NCEH1: variants seen among roughly 807,000 people sequenced by gnomAD.
The protein encoded by NCEH1 is 2-acetyl MAGE hydrolase.
A neutral mutation model predicts 25.4 loss-of-function variants in NCEH1; 9 were observed. That is an observed-to-expected ratio of 0.35 (90% CI 0.21 to 0.62). NCEH1 has a LOEUF of 0.62. Ranked by LOEUF, NCEH1 falls within the 20% of genes least tolerant of loss-of-function variation. The probability of loss-of-function intolerance (pLI) is 0.72; values close to 1 mark genes in which losing one functional copy is unlikely to be tolerated. For synonymous variants in NCEH1, 200 were observed against 199.8 expected, an observed-to-expected ratio of 1.00 and a Z score of -0.01; for missense variants, 412 against 501.1, an observed-to-expected ratio of 0.82 and a Z score of 1.70.
At chr3:172,662,698 G>A (rs914609731) in intron 1 of NCEH1, among the ~76,000 whole-genome samples, 3 of 152,202 alleles carry the variant, frequency 2.0e-5, no homozygotes, top group African/African-American at 7.2e-5. Context: ...TCTTGGGAGA[G>A]TGTATGTGTC....
At chr3:172,684,473 C>A (rs1241227993) in intron 1 of NCEH1, among the ~76,000 whole-genome samples, 1 of 137,884 alleles carries the variant, frequency 7.3e-6, no homozygotes, top group Non-Finnish European at 1.6e-5. Context: ...TATCCAGGCA[C>A]TGGATAATTA....
chr3:172,688,375 G>A (rs1712824038), intron 1 of NCEH1, among the ~76,000 whole-genome samples: 1 of 151,090 alleles, frequency 6.6e-6, no homozygotes, highest in African/African-American at 2.4e-5. Flanking sequence ...GGAGATTACG[G>A]AGACTCTAAA....
At chr3:172,640,625 A>G (rs1354073771) in intron 3 of NCEH1, among the ~76,000 whole-genome samples, 2 of 151,884 alleles carry the variant, frequency 1.3e-5, no homozygotes, top group Admixed American at 1.3e-4. Context: ...CTCCTGCCTC[A>G]GCCTCCAGAG....
intron 1 of NCEH1, among the ~76,000 whole-genome samples, chr3:172,665,221 C>A (rs1243335423): frequency 1.3e-5 from 2 of 152,208 alleles, no homozygotes; most frequent in African/African-American, 4.8e-5. Flanking sequence ...TCAGGACCCT[C>A]AGCTGCAGGT....
intron 1 of NCEH1, among the ~76,000 whole-genome samples, chr3:172,663,175 G>T (rs1718047246): frequency 6.6e-6 from 1 of 151,904 alleles, no homozygotes; most frequent in African/African-American, 2.4e-5. Flanking sequence ...TGTTCTCGTT[G>T]GTTTCAAAGA....
intron 1 of NCEH1, among the ~76,000 whole-genome samples, chr3:172,690,453 C>CA (rs1257310246): frequency 3.3e-5 from 5 of 152,048 alleles, no homozygotes; most frequent in Non-Finnish European, 5.9e-5. Context: ...AAGTGTGTAG[C>CA]AAAATCAACA....
At chr3:172,692,344 T>C (rs1420076793) in intron 1 of NCEH1, among the ~76,000 whole-genome samples, 4 of 152,120 alleles carry the variant, frequency 2.6e-5, no homozygotes, top group Admixed American at 2.6e-4. Context: ...TGGAATATTT[T>C]TATTTTTCTT....
intron 1 of NCEH1, among the ~76,000 whole-genome samples, chr3:172,689,183 A>G (rs1022782164): frequency 6.6e-6 from 1 of 151,926 alleles, no homozygotes; most frequent in African/African-American, 2.4e-5. Context: ...CATTTTGTTC[A>G]TAACAAGCAA....
At chr3:172,645,998 C>T (rs190123970) in intron 2 of NCEH1, among the ~76,000 whole-genome samples, 1 of 152,222 alleles carries the variant, frequency 6.6e-6, no homozygotes, top group East Asian at 1.9e-4. Context: ...TATAGCTCTT[C>T]AAATGTATAC....
intron 1 of NCEH1, among the ~76,000 whole-genome samples, chr3:172,654,068 A>G (rs1240495340): frequency 6.6e-6 from 1 of 152,080 alleles, no homozygotes; most frequent in Non-Finnish European, 1.5e-5. Flanking sequence ...AAAGTGTTTT[A>G]ACTCAAAACA....
chr3:172,641,297 C>T lies in NCEH1; in HGVS notation c.437+4326G>A, dbSNP rs139817651. Among the ~76,000 whole-genome samples the T allele has an allele frequency of 4.0e-4, 61 of 152,156 alleles. No homozygotes were observed. The Middle Eastern group carries it at 0.01, about 25-fold the overall frequency. Reference sequence around the variant, plus strand: ...CAATTAATATGTAAAAATAGTATAGCGTTGTAGAAGCTACTGAGTAGGAGA... The same window carrying T: ...CAATTAATATGTAAAAATAGTATAGTGTTGTAGAAGCTACTGAGTAGGAGA... On this transcript the variant is annotated intron_variant, in intron 3 of 4. Transcript: ENST00000475381.
rs975103645 is a variant in NCEH1, at chr3:172,640,596, C to T, written c.438-4509G>A. 5.5e-4 allele frequency among the ~76,000 whole-genome samples: 83 copies of T among 152,140 alleles called. 1 individual carries two copies. Among genetic ancestry groups the T allele is most frequent in the South Asian group, 4.2e-4 (2 of 4,818 alleles). On this transcript the variant is annotated intron_variant, in intron 3 of 4. Transcript: ENST00000475381. ...AATCTCGGCTCACTGCAAGCTCTGC[C>T]TCCCAGGTTCACGCCATTCTCCTGC...
At chr3:172,700,075 A>G (rs575967923) in intron 1 of NCEH1, among the ~76,000 whole-genome samples, 1 of 152,352 alleles carries the variant, frequency 6.6e-6, no homozygotes, top group East Asian at 1.9e-4. Flanking sequence ...GGTATTCTAC[A>G]AATGGATTAC....
At position 172,669,336 on chromosome 3, in the gene NCEH1, A is replaced by G. The variant is rs1041634594; in HGVS notation, c.139-21222T>C. Among the ~76,000 whole-genome samples, 10 of 152,328 alleles carry G rather than the reference A, an allele frequency of 6.6e-5. No homozygotes were observed. The East Asian group carries it at 9.6e-4, about 15-fold the overall frequency. ...TTTAAACTCTAAGATGCTATGGCTG[A>G]ACTTTTTTTAGAGTAATTGTATTTG... On this transcript the variant is annotated intron_variant, in intron 1 of 4. Transcript: ENST00000475381.
intron 3 of NCEH1, among the ~76,000 whole-genome samples, chr3:172,638,308 T>A (rs1388685299): frequency 1.1e-4 from 13 of 116,592 alleles, no homozygotes; most frequent in African/African-American, 3.7e-4. Context: ...AAAAAAAAAA[T>A]CCCTTAGCGT....
At position 172,633,219 on chromosome 3, in the gene NCEH1, T is replaced by C; in HGVS notation, c.*256A>G. On this transcript the variant is annotated 3_prime_UTR_variant, in exon 5 of 5. Coordinates refer to ENST00000475381, the MANE Select transcript of NCEH1 (RefSeq NM_020792.6). ...TGCTTTCTGTAGCTGTAGGTATCAG[T>C]ATAGTTGGCTAAGATAACAAGAACA... is the stretch of plus-strand genomic sequence containing the variant. 1 of 467,530 alleles carries C rather than the reference T, an allele frequency of 2.1e-6. No homozygotes were observed. 29.0% of individuals were successfully genotyped at this position (467,530 alleles called of 1,614,324 possible). A position where few individuals can be genotyped will look rare whatever the true frequency, so the allele number is the denominator to read the frequency against.
chr3:172,644,301 G>A (rs1163924821), intron 3 of NCEH1, among the ~76,000 whole-genome samples: 1 of 152,024 alleles, frequency 6.6e-6, no homozygotes, highest in Non-Finnish European at 1.5e-5. Flanking sequence ...AACTGCCTCA[G>A]TGACTCTGAG....
At position 172,637,752 on chromosome 3, in the gene NCEH1, G is replaced by A. The variant is rs111269147; in HGVS notation, c.438-1665C>T. On this transcript the variant is annotated intron_variant, in intron 3 of 4. Coordinates refer to ENST00000475381, the MANE Select transcript of NCEH1 (RefSeq NM_020792.6). ...AAAAATACAAAAATTAGCCAGGCACGGTCGTGGGCGCCTGTAATCCCAACT... is the reference window on the plus strand; with the variant it reads ...AAAAATACAAAAATTAGCCAGGCACAGTCGTGGGCGCCTGTAATCCCAACT... 9.8e-3 allele frequency among the ~76,000 whole-genome samples: 1,490 copies of A among 152,274 alleles called. 21 individuals carry two copies. The highest frequency in any genetic ancestry group is 0.033 in the African/African-American group (1,389 of 41,540).
chr3:172,659,031 C>CG (rs562732251), intron 1 of NCEH1, among the ~76,000 whole-genome samples: 258 of 151,926 alleles, frequency 1.7e-3, no homozygotes, highest in African/African-American at 5.6e-3. Context: ...TCTCAGACCA[C>CG]GGGGGGTCAG....
Sources: allele counts gnomAD v4.1 joint callset (sites outside exome capture counted in the v4.1 genomes callset), GRCh38; gene constraint gnomAD v4.1.1; transcripts MANE v1.5; gene names NCBI Gene and HGNC (gene_info 2026-07-23, HGNC 2026-07-21).